SMAD2: variants seen among roughly 807,000 people sequenced by gnomAD.
SMAD2 encodes the protein MAD homolog 2.
In SMAD2, 8 loss-of-function variants were observed where a neutral mutation model predicts 64.4. The observed-to-expected ratio is 0.12, with a 90% CI of 0.07 to 0.22. The LOEUF (loss-of-function observed/expected upper bound fraction) is 0.22, where lower values mean the gene tolerates loss of function less well. Ranked by LOEUF, SMAD2 falls within the 10% of genes least tolerant of loss-of-function variation. The pLI, the probability that SMAD2 is intolerant of heterozygous loss-of-function variation, is 1.00. For synonymous variants in SMAD2, 203 were observed against 195.8 expected, an observed-to-expected ratio of 1.04 and a Z score of -0.31; for missense variants, 289 against 561.2, an observed-to-expected ratio of 0.51 and a Z score of 4.90.
intron 1 of SMAD2, among the ~76,000 whole-genome samples, chr18:47,907,371 G>C (rs988169690): frequency 2.0e-5 from 3 of 152,112 alleles, no homozygotes; most frequent in Non-Finnish European, 4.4e-5. Flanking sequence ...CCACAACACG[G>C]ATCAGTCTCA....
rs1402825005 is a variant in SMAD2, at chr18:47,827,640, C to G, written c.*14187G>C. The G allele has an allele frequency of 6.3e-6, 1 of 158,062 alleles. No individual in the cohort carries two copies. Among genetic ancestry groups the G allele is most frequent in the Non-Finnish European group, 1.4e-5 (1 of 72,426 alleles). The allele number at this position is 158,062 out of a possible 1,614,324, so 9.8% of individuals were successfully genotyped here. A position where few individuals can be genotyped will look rare whatever the true frequency, so the allele number is the denominator to read the frequency against. On this transcript the variant is annotated 3_prime_UTR_variant, in exon 11 of 11. Transcript: ENST00000262160. ...GGATTGCAGACGCGCGCCGCCACGC[C>G]TGACTGGTTTTTGTATTTTTTGGTG...
At position 47,924,105 on chromosome 18, in the gene SMAD2, G is replaced by A. The variant is rs78169853; in HGVS notation, c.-54+6256C>T. On this transcript the variant is annotated intron_variant, in intron 1 of 10. Coordinates refer to ENST00000262160, the MANE Select transcript of SMAD2 (RefSeq NM_005901.6). ...TTCTATTAAAAATACAAAATTAGCC[G>A]GACATGGTGGCGCATGCCTGTAATC... 6.8e-4 allele frequency among the ~76,000 whole-genome samples: 103 copies of A among 151,958 alleles called. 1 individual carries two copies. The East Asian group carries it at 0.016, about 23-fold the overall frequency.
intron 10 of SMAD2, 189 bp downstream of exon 10, chr18:47,845,151 C>A (rs559905707): frequency 3.0e-6 from 2 of 667,862 alleles, no homozygotes; most frequent in Non-Finnish European, 5.3e-6. Context: ...GTTTTAATAT[C>A]TTCCATAATG....
At position 47,841,674 on chromosome 18, in the gene SMAD2, C is replaced by A; in HGVS notation, c.*153G>T. 1.3e-6 allele frequency: 1 copy of A among 760,262 alleles called. No individual in the cohort carries two copies. The highest frequency in any genetic ancestry group is 2.2e-6 in the Non-Finnish European group (1 of 445,988). The allele number at this position is 760,262 out of a possible 1,614,324, so 47.1% of individuals were successfully genotyped here. A position where few individuals can be genotyped will look rare whatever the true frequency, so the allele number is the denominator to read the frequency against. The stretch of plus-strand genomic sequence containing the variant: ...CCATCTAATATTCAAATATAGGAAA[C>A]AGATTCCACAAGGTGCTTTAATTGA... On this transcript the variant is annotated 3_prime_UTR_variant, in exon 11 of 11. Transcript: ENST00000262160.
At chr18:47,895,318 GT>G (rs1265380468) in intron 2 of SMAD2, 1 of 152,192 alleles carries the variant, frequency 6.6e-6, no homozygotes, top group Admixed American at 6.5e-5. Context: ...TCTTCCCTCA[GT>G]TGGCTGCTGC....
chr18:47,879,495 C>CGTGTGTGAGT (rs2032461286), intron 2 of SMAD2, among the ~76,000 whole-genome samples: 1 of 141,340 alleles, frequency 7.1e-6, no homozygotes, highest in Non-Finnish European at 1.5e-5. Flanking sequence ...ATGTATATGA[C>CGTGTGTGAGT]GTGTGTGTGT....
At position 47,833,804 on chromosome 18, in the gene SMAD2, C is replaced by T. The variant is rs1022931478; in HGVS notation, c.*8023G>A. 1 of 230,782 alleles carries T rather than the reference C, an allele frequency of 4.3e-6. No individual in the cohort carries two copies. Among genetic ancestry groups the T allele is most frequent in the Non-Finnish European group, 8.6e-6 (1 of 116,526 alleles). 14.3% of individuals were successfully genotyped at this position (230,782 alleles called of 1,614,324 possible). A position where few individuals can be genotyped will look rare whatever the true frequency, so the allele number is the denominator to read the frequency against. On this transcript the variant is annotated 3_prime_UTR_variant, in exon 11 of 11. Coordinates refer to ENST00000262160, the MANE Select transcript of SMAD2 (RefSeq NM_005901.6). The stretch of plus-strand genomic sequence containing the variant: ...AACAGACTGGGAAATGCAGTAGACG[C>T]CAGAGCATCAAAGGCCATGTATTTC...
In SMAD2 at chr18:47,840,084, T is replaced by C. The variant is rs1185598337; in HGVS notation, c.*1743A>G. Reference sequence around the variant, plus strand: ...CAAACAGGTGAACAATAAATATTTGTTGAATGAATAAAAAATTACTATACC... The same window carrying C: ...CAAACAGGTGAACAATAAATATTTGCTGAATGAATAAAAAATTACTATACC... On this transcript the variant is annotated 3_prime_UTR_variant, in exon 11 of 11. Coordinates refer to ENST00000262160, the MANE Select transcript of SMAD2 (RefSeq NM_005901.6). The C allele has an allele frequency of 8.6e-6, 2 of 233,112 alleles. No homozygotes were observed. Among genetic ancestry groups the C allele is most frequent in the Non-Finnish European group, 1.7e-5 (2 of 118,000 alleles). The allele number at this position is 233,112 out of a possible 1,614,324, so 14.4% of individuals were successfully genotyped here.
intron 6 of SMAD2, 127 bp from the exon 7 acceptor site, chr18:47,851,454 C>A: frequency 1.0e-5 from 6 of 581,754 alleles, no homozygotes; most frequent in Non-Finnish European, 1.5e-5. Context: ...ACCAAGAATT[C>A]AGAATATGTA....
chr18:47,877,781 G>A (rs1286824364), intron 2 of SMAD2, among the ~76,000 whole-genome samples: 21 of 151,912 alleles, frequency 1.4e-4, no homozygotes, highest in Non-Finnish European at 4.4e-5. Flanking sequence ...CATTACAGAT[G>A]CAAAAAACTG....
chr18:47,849,955 C>T (rs1406728787), intron 7 of SMAD2, among the ~76,000 whole-genome samples: 5 of 151,170 alleles, frequency 3.3e-5, no homozygotes, highest in East Asian at 2.0e-4. Context: ...TGCAGTGAGC[C>T]GAGATTGCGC....
At chr18:47,900,323 G>T (rs991138012) in intron 1 of SMAD2, among the ~76,000 whole-genome samples, 23 of 152,088 alleles carry the variant, frequency 1.5e-4, no homozygotes, top group African/African-American at 5.5e-4. Flanking sequence ...CTACACAAAG[G>T]TGCTGCCTAC....
chr18:47,853,694 C>T (rs984237255), intron 6 of SMAD2, among the ~76,000 whole-genome samples: 5 of 152,056 alleles, frequency 3.3e-5, no homozygotes, highest in Admixed American at 1.3e-4. Flanking sequence ...GAAGACAGTA[C>T]GGTCTTCCAC....
At chr18:47,875,164 C>T (rs559524733) in intron 2 of SMAD2, among the ~76,000 whole-genome samples, 1 of 152,248 alleles carries the variant, frequency 6.6e-6, no homozygotes, top group Admixed American at 6.6e-5. Flanking sequence ...ATGTTAACTG[C>T]CCCTTCCTAG....
At chr18:47,914,316 A>C (rs985801091) in intron 1 of SMAD2, among the ~76,000 whole-genome samples, 1 of 152,212 alleles carries the variant, frequency 6.6e-6, no homozygotes, top group Non-Finnish European at 1.5e-5. Flanking sequence ...TTGCTTTTCA[A>C]AGAAATCTTG....
chr18:47,864,637 C>A (rs1210026513), intron 6 of SMAD2, among the ~76,000 whole-genome samples: 1 of 152,076 alleles, frequency 6.6e-6, no homozygotes, highest in Non-Finnish European at 1.5e-5. Context: ...TCAAAACTCA[C>A]TATTAGGTTA....
chr18:47,853,514 ACT>A (rs1439176958), intron 6 of SMAD2: 5 of 197,386 alleles, frequency 2.5e-5, no homozygotes, highest in Admixed American at 6.3e-5. Flanking sequence ...ACAGAGCAAG[ACT>A]CTGTCTCGAG....
chr18:47,851,422 A>G lies in SMAD2; in HGVS notation c.731-95T>C, dbSNP rs1035163713. On this transcript the variant is annotated intron_variant, in intron 6 of 10. Coordinates refer to ENST00000262160, the MANE Select transcript of SMAD2 (RefSeq NM_005901.6). ...CTTTATCTGGTTATAATTATCAACA[A>G]TAATACAAAGATAATTTAAATACCA... 9 of 777,980 alleles carry G rather than the reference A, an allele frequency of 1.2e-5. 1 individual carries two copies. The highest frequency in any genetic ancestry group is 8.5e-5 in the South Asian group (6 of 70,520). The allele number at this position is 777,980 out of a possible 1,614,324, so 48.2% of individuals were successfully genotyped here.
chr18:47,914,756 T>C (rs1045701773), intron 1 of SMAD2, among the ~76,000 whole-genome samples: 36 of 152,290 alleles, frequency 2.4e-4, no homozygotes, highest in African/African-American at 8.4e-4. Flanking sequence ...TGCTTTCTAG[T>C]TAGTCTTGAT....
Sources: gnomAD v4.1 joint callset for allele counts (sites outside exome capture counted in the v4.1 genomes callset) on GRCh38, gnomAD v4.1.1 for gene constraint, MANE v1.5 for transcripts, NCBI Gene and HGNC (gene_info 2026-07-23, HGNC 2026-07-21) for gene names.